TAF6: variants seen among roughly 807,000 people sequenced by gnomAD.
TAF6 encodes the protein TATA-box binding protein associated factor 6, also known as transcription initiation factor TFIID subunit 6.
Under a neutral mutation model 73.5 loss-of-function variants are expected in TAF6, and 50 were observed. The observed-to-expected ratio is 0.68, with a 90% CI of 0.54 to 0.86. TAF6 has a LOEUF of 0.86. Ranked by LOEUF, TAF6 falls within the 40% of genes least tolerant of loss-of-function variation. The pLI, the probability that TAF6 is intolerant of heterozygous loss-of-function variation, is 0.00. For missense variants in TAF6, 768 were observed against 899.5 expected (o/e 0.85, Z 1.87); for synonymous variants, 424 against 376.7 (o/e 1.13, Z -1.45).
At position 100,113,765 on chromosome 7, in the gene TAF6, A is replaced by G; in HGVS notation, c.248T>C (p.Leu83Pro). The change falls in exon 4 of 15, where the codon CTC (leucine) becomes CCC (proline). Residue 83 changes from leucine (L) to proline (P), a missense_variant. Leu to Pro is a moderately conservative substitution (Grantham distance 98). Around this residue, in one of 5 missense-constraint regions of TAF6, gnomAD observed 269 missense variants for 268.0 expected, o/e 1.00. Transcript: ENST00000453269. The stretch of plus-strand genomic sequence containing the variant: ...GAACTCCTGGGCGTGGAAGCCATAG[A>G]GTGGCTGTGGCAGGAGAGAGGGGCA... ...YALKLKNVEP[L>P]YGFHAQEFIP... 1 of 1,613,606 alleles carries G rather than the reference A, an allele frequency of 6.2e-7. No individual in the cohort carries two copies. The highest frequency in any genetic ancestry group is 8.5e-7 in the Non-Finnish European group (1 of 1,179,868).
Position 100,107,171 on chromosome 7 carries a change from C to T in TAF6, c.*75G>A, listed in dbSNP as rs1796588623. On this transcript the variant is annotated 3_prime_UTR_variant, in exon 15 of 15. Coordinates refer to ENST00000453269, the MANE Select transcript of TAF6 (RefSeq NM_139315.3). ...CAATCTACAACTTCCTTCCGCTTAG[C>T]GAGCATGCATGTGTGTACGTGCACG... The T allele has an allele frequency of 4.0e-6, 6 of 1,510,564 alleles. No homozygotes were observed. In the African/African-American group the frequency reaches 5.6e-5, roughly 14 times the overall value. 93.6% of individuals were successfully genotyped at this position (1,510,564 alleles called of 1,614,324 possible). A position where few individuals can be genotyped will look rare whatever the true frequency, so the allele number is the denominator to read the frequency against.
chr7:100,113,477 CGT>C (rs1191520278), intron 4 of TAF6, 72 bp from the exon 5 acceptor site: 6 of 1,526,694 alleles, frequency 3.9e-6, no homozygotes, highest in Non-Finnish European at 5.3e-6. Flanking sequence ...GCTATGGAAG[CGT>C]GTTTCCACTC....
chr7:100,127,152 A>C, the TAF6 span: 4 of 503,074 alleles, frequency 8.0e-6, no homozygotes, highest in Non-Finnish European at 1.1e-5. The surrounding 1 kb of genome is among the most constrained non-coding windows in gnomAD (Gnocchi z 4.6). Context: ...CGCGAACGGA[A>C]TGGGGCGGGG....
chr7:100,117,393 T>C (rs1324784569), intron 1 of TAF6, among the ~76,000 whole-genome samples: 2 of 147,750 alleles, frequency 1.4e-5, no homozygotes, highest in Non-Finnish European at 3.0e-5. Context: ...TGTCTCAGCC[T>C]CCTGCGTAGC....
rs750524241 is a variant in TAF6 at position 100,113,762 on chromosome 7, T to C, written c.251A>G (p.Tyr84Cys). The change falls in exon 4 of 15, where the codon TAT becomes TGT. Residue 84 changes from tyrosine to cysteine, a missense_variant. Around this residue, in one of 5 missense-constraint regions of TAF6, gnomAD observed 269 missense variants for 268.0 expected, o/e 1.00. Coordinates refer to ENST00000453269, the MANE Select transcript of TAF6 (RefSeq NM_139315.3). ...ALKLKNVEPL[Y>C]GFHAQEFIPF... ...AATGAACTCCTGGGCGTGGAAGCCA[T>C]AGAGTGGCTGTGGCAGGAGAGAGGG... is the stretch of plus-strand genomic sequence containing the variant. The C allele has an allele frequency of 2.0e-5, 33 of 1,613,114 alleles. No individual in the cohort carries two copies. The highest frequency in any genetic ancestry group is 2.7e-5 in the Non-Finnish European group (32 of 1,179,780).
At chr7:100,108,728 CTT>C (rs1363902408) in intron 12 of TAF6, 188 bp from the exon 13 acceptor site, 2 of 553,016 alleles carry the variant, frequency 3.6e-6, no homozygotes, top group Non-Finnish European at 6.1e-6. Flanking sequence ...ACACTGTGGG[CTT>C]TCTCATAAGA....
chr7:100,112,707 TC>T (rs747338225), intron 6 of TAF6, 90 bp downstream of exon 6: 16 of 1,477,646 alleles, frequency 1.1e-5, no homozygotes, highest in Non-Finnish European at 1.4e-5. Flanking sequence ...AGAGTGAGAC[TC>T]TGTCTCAAAA....
chr7:100,116,892 T>G (rs1200572624), intron 1 of TAF6, among the ~76,000 whole-genome samples: 1 of 152,130 alleles, frequency 6.6e-6, no homozygotes, highest in Non-Finnish European at 1.5e-5. Flanking sequence ...CTGACCACCC[T>G]ATTTAACTCT....
At chr7:100,122,879 C>T (rs139955624), upstream of TAF6, 2,111 of 1,613,416 alleles carry the variant, frequency 1.3e-3, no homozygotes, top group Non-Finnish European at 1.7e-3. Context: ...ATGAGCCCAG[C>T]GTGGAGGTCA....
chr7:100,122,585 C>G (rs1401493275), upstream of TAF6: 1 of 1,595,390 alleles, frequency 6.3e-7, no homozygotes, highest in Admixed American at 1.7e-5. Context: ...AAGGTCAGAC[C>G]CTTCCCCAGG....
the TAF6 span, chr7:100,124,955 T>G: frequency 1.0e-5 from 15 of 1,506,950 alleles, no homozygotes; most frequent in Non-Finnish European, 8.9e-7. Flanking sequence ...GCACTCTCCC[T>G]GCTCCACAGC....
Position 100,108,362 on chromosome 7 carries a change from C to G in TAF6, c.1458+5G>C. 1 of 1,593,374 alleles carries G rather than the reference C, an allele frequency of 6.3e-7. No homozygotes were observed. Among genetic ancestry groups the G allele is most frequent in the Non-Finnish European group, 8.6e-7 (1 of 1,166,260 alleles). On this transcript the variant is annotated splice_donor_5th_base_variant and intron_variant, in intron 13 of 14. Transcript: ENST00000453269. ...CCTATTCCTCCTCCCCACCCGGCCA[C>G]GGACCTGCGTGATGGTCAGAGTGGT...
chr7:100,108,606 T>G, intron 12 of TAF6, 66 bp from the exon 13 acceptor site: 1 of 1,516,734 alleles, frequency 6.6e-7, no homozygotes, highest in South Asian at 1.2e-5. Context: ...GAGGGAGGGC[T>G]GGTGACACTC....
upstream of TAF6, chr7:100,120,151 T>A (rs560173225): frequency 3.3e-6 from 1 of 299,710 alleles, no homozygotes; most frequent in South Asian, 4.9e-5. Flanking sequence ...CTGCCAACTT[T>A]TAGAGCATCT....
chr7:100,112,585 G>A (rs1797290728), intron 6 of TAF6, among the ~76,000 whole-genome samples: 1 of 151,812 alleles, frequency 6.6e-6, no homozygotes, highest in Non-Finnish European at 1.5e-5. Flanking sequence ...CGTGGTGGTG[G>A]GCACCTGTAA....
chr7:100,111,417 A>G (rs1394333602), intron 9 of TAF6, 96 bp from the exon 10 acceptor site: 3 of 1,392,160 alleles, frequency 2.2e-6, no homozygotes, highest in African/African-American at 2.9e-5. Flanking sequence ...CAGGGACACA[A>G]TCATGGCTAA....
In TAF6 at chr7:100,107,492, A is replaced by G. The variant is rs2116693201; in HGVS notation, c.1788T>C (p.Ala596=). The part of the protein sequence containing the change: ...STATTAPPST[A]PSGPGSVQKY... Reference sequence around the variant, plus strand: ...TCTGGACACTCCCAGGACCAGAGGGAGCAGTGCTGGGGGGTGCGGTGGTGG... The same window carrying G: ...TCTGGACACTCCCAGGACCAGAGGGGGCAGTGCTGGGGGGTGCGGTGGTGG... Residue 596 remains alanine, a synonymous_variant, in exon 15 of 15, where the codon GCT becomes GCC. Transcript: ENST00000453269. The G allele has an allele frequency of 1.9e-6, 3 of 1,613,880 alleles. No homozygotes were observed. Among genetic ancestry groups the G allele is most frequent in the Non-Finnish European group, 2.5e-6 (3 of 1,179,922 alleles).
chr7:100,123,446 A>C (rs1798125156), upstream of TAF6, among the ~76,000 whole-genome samples: 1 of 152,092 alleles, frequency 6.6e-6, no homozygotes, highest in South Asian at 2.1e-4. Context: ...AGGGAGAAGG[A>C]CTGTTTGAGA....
chr7:100,109,665 GT>G (rs781546537), intron 12 of TAF6, among the ~76,000 whole-genome samples: 33 of 144,998 alleles, frequency 2.3e-4, no homozygotes, highest in South Asian at 2.2e-4. Flanking sequence ...CGGCTTTTTG[GT>G]TTTTTTTTTT....
Sources: gnomAD v4.1 joint callset for allele counts (sites outside exome capture counted in the v4.1 genomes callset) on GRCh38, gnomAD v4.1.1 for gene constraint, gnomAD v4.1.1 regional missense constraint, Gnocchi (gnomAD v3.1) non-coding constraint, MANE v1.5 for transcripts, NCBI Gene and HGNC (gene_info 2026-07-23, HGNC 2026-07-21) for gene names.